The following DSCAM variants were observed in gnomAD, a reference collection of about 807,000 sequenced individuals.
DSCAM encodes the protein cell adhesion molecule DSCAM.
DSCAM carries 47 observed loss-of-function variants against 217.7 expected under a neutral mutation model. The ratio of observed to expected loss-of-function variants is 0.22; its 90% CI spans 0.17 to 0.28. The LOEUF is 0.28. Ranked by LOEUF, DSCAM falls within the 10% of genes least tolerant of loss-of-function variation. The probability of loss-of-function intolerance (pLI) is 1.00; values close to 1 mark genes in which losing one functional copy is unlikely to be tolerated. For missense variants in DSCAM, 2,080 were observed against 2,618.3 expected, an observed-to-expected ratio of 0.79 and a Z score of 4.49; for synonymous variants, 1,056 against 1,015.3, an observed-to-expected ratio of 1.04 and a Z score of -0.76.
At chr21:40,487,181 G>A (rs1385844386) in intron 3 of DSCAM, among the ~76,000 whole-genome samples, 1 of 151,842 alleles carries the variant, frequency 6.6e-6, no homozygotes, top group Non-Finnish European at 1.5e-5. Flanking sequence ...ATGGGTTCAT[G>A]GAATAATCTC....
At chr21:40,423,785 G>A (rs901038724) in intron 3 of DSCAM, among the ~76,000 whole-genome samples, 1 of 152,044 alleles carries the variant, frequency 6.6e-6, no homozygotes, top group East Asian at 1.9e-4. Context: ...AACACATGTG[G>A]GCCATGATCA....
At chr21:40,426,373 T>G (rs897240611) in intron 3 of DSCAM, among the ~76,000 whole-genome samples, 1 of 152,226 alleles carries the variant, frequency 6.6e-6, no homozygotes, top group African/African-American at 2.4e-5. Context: ...GGCCATTCAG[T>G]AATTTGGCGA....
chr21:40,470,519 C>T lies in DSCAM; in HGVS notation c.509-101274G>A, dbSNP rs190600762. Among the ~76,000 whole-genome samples, 429 of 152,296 alleles carry T rather than the reference C, an allele frequency of 2.8e-3. 2 individuals carry two copies. Among genetic ancestry groups the T allele is most frequent in the African/African-American group, 4.6e-3 (191 of 41,570 alleles). On this transcript the variant is annotated intron_variant, in intron 3 of 32. Transcript: ENST00000400454. ...ACTGAACAGCATTTTGAGCCCAACA[C>T]GAAGCTTACTCTTAGTCATGCACCT... is the stretch of plus-strand genomic sequence containing the variant.
chr21:40,690,022 A>G (rs1170612974), intron 3 of DSCAM, among the ~76,000 whole-genome samples: 6 of 152,192 alleles, frequency 3.9e-5, no homozygotes, highest in African/African-American at 1.2e-4. Flanking sequence ...ACCCCGGCAC[A>G]GCCTGGGTGA....
At chr21:40,214,645 G>T (rs1195136651) in intron 11 of DSCAM, among the ~76,000 whole-genome samples, 1 of 151,064 alleles carries the variant, frequency 6.6e-6, no homozygotes, top group Non-Finnish European at 1.5e-5. Context: ...ACAGGTAAAG[G>T]GTGGAAAAAG....
chr21:40,706,088 G>C (rs548073528), intron 2 of DSCAM, among the ~76,000 whole-genome samples: 1 of 150,966 alleles, frequency 6.6e-6, no homozygotes, highest in Non-Finnish European at 1.5e-5. Flanking sequence ...GGCTGGGCAG[G>C]AAAACGGCGT....
intron 3 of DSCAM, among the ~76,000 whole-genome samples, chr21:40,620,339 AAG>A (rs1159698029): frequency 6.9e-6 from 1 of 144,470 alleles, no homozygotes; most frequent in Non-Finnish European, 1.5e-5. Flanking sequence ...AAGAAAAAGA[AAG>A]AAAGAGAAAG....
intron 3 of DSCAM, among the ~76,000 whole-genome samples, chr21:40,386,785 T>C (rs2075089969): frequency 6.6e-6 from 1 of 152,100 alleles, no homozygotes; most frequent in African/African-American, 2.4e-5. Context: ...AACAGTGACG[T>C]TTTTCTTGAA....
chr21:40,488,362 G>A lies in DSCAM; in HGVS notation c.509-119117C>T, dbSNP rs527408446. 1.7e-4 allele frequency among the ~76,000 whole-genome samples: 26 copies of A among 152,304 alleles called. No homozygotes were observed. In the East Asian group the frequency reaches 2.5e-3, roughly 15 times the overall value. ...GCTTCTCTCCATATCGGGGATCCAG[G>A]AAAAGAGACGTTTGGTCTCTGGAAA... On this transcript the variant is annotated intron_variant, in intron 3 of 32. Transcript: ENST00000400454.
intron 29 of DSCAM, among the ~76,000 whole-genome samples, chr21:40,055,397 G>T (rs2837399): frequency 0.48 from 73,151 of 151,988 alleles, 18,555 homozygotes; most frequent in African/African-American, 0.62. Flanking sequence ...TTGATGTGTA[G>T]TCGATTACAG....
chr21:40,605,291 G>A (rs751380014), intron 3 of DSCAM, among the ~76,000 whole-genome samples: 2 of 152,112 alleles, frequency 1.3e-5, no homozygotes, highest in Admixed American at 6.5e-5. Context: ...GTGTTGACCT[G>A]TCTCTCCAGA....
At chr21:40,470,632 C>T (rs1437789561) in intron 3 of DSCAM, among the ~76,000 whole-genome samples, 1 of 152,182 alleles carries the variant, frequency 6.6e-6, no homozygotes, top group Non-Finnish European at 1.5e-5. Flanking sequence ...TGGCTCACTG[C>T]AGCCTTGACC....
chr21:40,103,021 T>C (rs1326776037), intron 20 of DSCAM, among the ~76,000 whole-genome samples: 1 of 152,198 alleles, frequency 6.6e-6, no homozygotes, highest in African/African-American at 2.4e-5. Flanking sequence ...CAATGACCAG[T>C]AACTGGAATA....
intron 3 of DSCAM, among the ~76,000 whole-genome samples, chr21:40,441,652 C>G (rs999073807): frequency 6.6e-6 from 1 of 152,150 alleles, no homozygotes; most frequent in Admixed American, 6.5e-5. Context: ...ATTTCCTTCT[C>G]TTGTCTAAAA....
chr21:40,054,197 A>ATAG (rs376726556), intron 29 of DSCAM, among the ~76,000 whole-genome samples: 44 of 152,346 alleles, frequency 2.9e-4, no homozygotes, highest in African/African-American at 1.1e-3. Flanking sequence ...AAAGCAAAAC[A>ATAG]TAGTAGCTTA....
At chr21:40,647,152 G>T (rs1469331371) in intron 3 of DSCAM, among the ~76,000 whole-genome samples, 1 of 152,160 alleles carries the variant, frequency 6.6e-6, no homozygotes, top group Non-Finnish European at 1.5e-5. Flanking sequence ...AGTTGTTAAA[G>T]TTCAGAAGAC....
intron 11 of DSCAM, among the ~76,000 whole-genome samples, chr21:40,237,959 T>C (rs2073101017): frequency 6.6e-6 from 1 of 152,180 alleles, no homozygotes; most frequent in Non-Finnish European, 1.5e-5. Flanking sequence ...TTTTGTCATG[T>C]AAAGTAATAC....
chr21:40,221,371 G>C (rs1349281393), intron 11 of DSCAM, among the ~76,000 whole-genome samples: 1 of 149,908 alleles, frequency 6.7e-6, no homozygotes, highest in Non-Finnish European at 1.5e-5. Context: ...GTATAATAAT[G>C]TGTACGTGTA....
intron 3 of DSCAM, among the ~76,000 whole-genome samples, chr21:40,467,668 T>C (rs941924840): frequency 6.6e-6 from 1 of 152,156 alleles, no homozygotes; most frequent in African/African-American, 2.4e-5. Flanking sequence ...TATGGAATAT[T>C]GTAAAATGTA....
Sources: gnomAD v4.1 joint callset for allele counts (sites outside exome capture counted in the v4.1 genomes callset) on GRCh38, gnomAD v4.1.1 for gene constraint, MANE v1.5 for transcripts, NCBI Gene and HGNC (gene_info 2026-07-23, HGNC 2026-07-21) for gene names.